The following SLC44A2 variants were observed in gnomAD, a reference collection of about 807,000 sequenced individuals.
SLC44A2 encodes the protein solute carrier family 44 member 2 (CTL2 blood group).
In SLC44A2, 57 loss-of-function variants were observed where a neutral mutation model predicts 90.8. The observed-to-expected ratio is 0.63, with a 90% CI of 0.51 to 0.78. The LOEUF (loss-of-function observed/expected upper bound fraction) is 0.78, where lower values mean the gene tolerates loss of function less well. SLC44A2 is among the 30% of genes least tolerant of loss of function. The pLI is 0.00. For synonymous variants in SLC44A2, 355 were observed against 360.7 expected (o/e 0.98, Z 0.18); for missense variants, 794 against 919.7 (o/e 0.86, Z 1.77).
intron 20 of SLC44A2, 90 bp downstream of exon 20, chr19:10,638,405 G>A: frequency 2.6e-6 from 3 of 1,173,052 alleles, no homozygotes; most frequent in African/African-American, 1.5e-5. Flanking sequence ...TGTGGATAGA[G>A]GTCAGAGGTG....
chr19:10,615,005 G>T (rs756482454), intron 1 of SLC44A2, among the ~76,000 whole-genome samples: 6 of 142,542 alleles, frequency 4.2e-5, no homozygotes, highest in Non-Finnish European at 9.2e-5. Flanking sequence ...GAAAAGAAAA[G>T]AAAATGTTAT....
intron 21 of SLC44A2, chr19:10,642,812 G>A (rs747395723): frequency 1.4e-6 from 2 of 1,454,724 alleles, no homozygotes; most frequent in South Asian, 1.3e-5. Context: ...ATGCCTGCTG[G>A]CTTCCCTGTT....
At chr19:10,642,304 C>A (rs2067125072) in intron 20 of SLC44A2, 63 bp from the exon 21 acceptor site, 1 of 1,424,466 alleles carries the variant, frequency 7.0e-7, no homozygotes, top group African/African-American at 1.4e-5. Flanking sequence ...AGGATGGACT[C>A]AGGGGGTGGG....
At chr19:10,627,468 G>C (rs947618558) in intron 2 of SLC44A2, among the ~76,000 whole-genome samples, 7 of 152,154 alleles carry the variant, frequency 4.6e-5, no homozygotes, top group African/African-American at 1.7e-4. Context: ...TTGAGCCCAG[G>C]AGTTCGAGGC....
At chr19:10,640,062 T>G (rs1560707) in intron 20 of SLC44A2, among the ~76,000 whole-genome samples, 97,995 of 145,820 alleles carry the variant, frequency 0.67, 33,172 homozygotes, top group Admixed American at 0.72. Context: ...GGCAAATTAT[T>G]TAATCCTCTA....
intron 1 of SLC44A2, chr19:10,602,603 C>A: frequency 3.2e-6 from 4 of 1,249,460 alleles, no homozygotes; most frequent in South Asian, 3.6e-5. Context: ...TGCTGACCTG[C>A]GGGTGGGAGG....
chr19:10,607,262 T>G (rs1918137603), intron 1 of SLC44A2, among the ~76,000 whole-genome samples: 1 of 152,014 alleles, frequency 6.6e-6, no homozygotes, highest in Non-Finnish European at 1.5e-5. Flanking sequence ...ATGCTTTAAA[T>G]ACAAAAGATA....
At chr19:10,622,306 G>A (rs566495506), upstream of SLC44A2, among the ~76,000 whole-genome samples, 9 of 152,226 alleles carry the variant, frequency 5.9e-5, no homozygotes, top group South Asian at 2.1e-4. Context: ...GGGCTGTGGC[G>A]AAGAGCTGGG....
rs1430499797 is a variant in SLC44A2 at position 10,627,995 on chromosome 19, CA to C, written c.242del (p.Asn81ThrfsTer13). ...GGCGAGTTCTGCGGGCAGAAGGGCA[CA>C]AAAAACGAGTGAGTTGACTCCTTGC... The part of the protein sequence containing the change: ...SRGEFCGQKG[T>X]KNENKPYLFY... On this transcript the variant is annotated frameshift_variant, in exon 4 of 22. Transcript: ENST00000335757. LOFTEE classifies it high-confidence loss of function. 1.2e-6 allele frequency: 2 copies of C among 1,612,636 alleles called. No homozygotes were observed. The highest frequency in any genetic ancestry group is 2.7e-5 in the African/African-American group (2 of 74,810).
At chr19:10,610,899 C>G (rs1918281629) in intron 1 of SLC44A2, among the ~76,000 whole-genome samples, 1 of 151,664 alleles carries the variant, frequency 6.6e-6, no homozygotes, top group African/African-American at 2.4e-5. Context: ...CTCGGCCTCC[C>G]AAAGTGCTGG....
At chr19:10,626,406 T>G (rs2066934211) in intron 2 of SLC44A2, 105 bp downstream of exon 2, 1 of 936,442 alleles carries the variant, frequency 1.1e-6, no homozygotes. Context: ...TGACAAATAT[T>G]TGAAACTTTT....
At position 10,627,729 on chromosome 19, in the gene SLC44A2, A is replaced by G. The variant is rs2066948846; in HGVS notation, c.94A>G (p.Thr32Ala). 8 of 1,613,264 alleles carry G rather than the reference A, an allele frequency of 5.0e-6. No homozygotes were observed. Among genetic ancestry groups the G allele is most frequent in the Non-Finnish European group, 6.8e-6 (8 of 1,179,952 alleles). ...TGCCCCTCTGCTCCCCAGGGGCTGC[A>G]CGGATATCATATGCTGTGTGTTCCT... Reference protein sequence around the residue: ...FKGPIYNRGCTDIICCVFLLL... With the variant: ...FKGPIYNRGCADIICCVFLLL... The change falls in exon 3 of 22, where the codon ACG becomes GCG. Residue 32 changes from threonine (T) to alanine (A), a missense_variant. Coordinates refer to ENST00000335757, the MANE Select transcript of SLC44A2 (RefSeq NM_020428.4).
At chr19:10,638,192 AC>A (rs1342023151) in intron 19 of SLC44A2, 34 bp from the exon 20 acceptor site, 1 of 1,611,724 alleles carries the variant, frequency 6.2e-7, no homozygotes, top group Non-Finnish European at 8.5e-7. Context: ...TATATCCAGA[AC>A]CCTTCGCCAT....
At chr19:10,627,364 T>G (rs1461565909) in intron 2 of SLC44A2, among the ~76,000 whole-genome samples, 2 of 151,186 alleles carry the variant, frequency 1.3e-5, no homozygotes, top group Non-Finnish European at 2.9e-5. Context: ...AGCGAGACCT[T>G]GTCTCTACAG....
rs2144897997 is a variant in SLC44A2, at chr19:10,642,460, C to A, written c.2014+9C>A. The A allele has an allele frequency of 6.2e-7, 1 of 1,613,068 alleles. No individual in the cohort carries two copies. The highest frequency in any genetic ancestry group is 8.5e-7 in the Non-Finnish European group (1 of 1,179,074). On this transcript the variant is annotated intron_variant, in intron 21 of 21. Coordinates refer to ENST00000335757, the MANE Select transcript of SLC44A2 (RefSeq NM_020428.4). ...GCTGTTCCTCTGCTTCTGTGAGTGA[C>A]CCCTCACCCCAAACCTTGCTGGGCC...
intron 1 of SLC44A2, among the ~76,000 whole-genome samples, 153 bp from the exon 2 acceptor site, chr19:10,626,100 C>T (rs1421284693): frequency 6.6e-6 from 1 of 152,320 alleles, no homozygotes; most frequent in East Asian, 1.9e-4. Context: ...GTGTGGTCAC[C>T]TGGAGGTGGG....
chr19:10,633,281 C>T (rs1045364630), intron 10 of SLC44A2, among the ~76,000 whole-genome samples: 9 of 151,380 alleles, frequency 5.9e-5, no homozygotes, highest in Non-Finnish European at 1.2e-4. Context: ...TTTCCTACCT[C>T]GCCTCCCGAG....
intron 1 of SLC44A2, among the ~76,000 whole-genome samples, chr19:10,615,920 T>G (rs1233667108): frequency 1.3e-5 from 2 of 152,020 alleles, no homozygotes; most frequent in Non-Finnish European, 2.9e-5. Flanking sequence ...ATCCCAGCAC[T>G]TTGGGCGGCC....
At chr19:10,625,803 C>A in intron 1 of SLC44A2, 133 bp downstream of exon 1, 1 of 773,436 alleles carries the variant, frequency 1.3e-6, no homozygotes, top group Non-Finnish European at 1.8e-6. Context: ...GGAGCCTCCC[C>A]ACCATCAGCC....
Sources: allele counts gnomAD v4.1 joint callset (sites outside exome capture counted in the v4.1 genomes callset), GRCh38; gene constraint gnomAD v4.1.1; transcripts MANE v1.5; gene names NCBI Gene and HGNC (gene_info 2026-07-23, HGNC 2026-07-21).